The following N4BP2L2 variants were observed in gnomAD, a reference collection of about 807,000 sequenced individuals.
N4BP2L2 encodes NEDD4-binding protein 2-like 2.
N4BP2L2 carries 50 observed loss-of-function variants against 56.2 expected under a neutral mutation model. The ratio of observed to expected loss-of-function variants is 0.89; its 90% confidence interval spans 0.71 to 1.13. N4BP2L2 has a LOEUF of 1.13. Ranked by LOEUF, N4BP2L2 falls within the 50% of genes most tolerant of loss-of-function variation. The pLI is 0.00. For missense variants in N4BP2L2, 689 were observed against 693.8 expected (o/e 0.99, Z 0.08); for synonymous variants, 203 against 223.6 (o/e 0.91, Z 0.82).
At chr13:32,443,136 G>C in exon 7 of N4BP2L2, 1 of 1,613,680 alleles carries the variant, frequency 6.2e-7, no homozygotes, top group Non-Finnish European at 8.5e-7. Context: ...GAGGTAAGCA[G>C]CTTCTGAAGA....
intron 2 of N4BP2L2, among the ~76,000 whole-genome samples, chr13:32,530,437 CTG>C (rs1458594349): frequency 6.6e-6 from 1 of 152,072 alleles, no homozygotes; most frequent in East Asian, 1.9e-4. Flanking sequence ...AATTCTTAGA[CTG>C]TCAGAACTCT....
chr13:32,498,971 A>G (rs1424478725), intron 6 of N4BP2L2, among the ~76,000 whole-genome samples: 2 of 144,326 alleles, frequency 1.4e-5, no homozygotes, highest in Non-Finnish European at 3.0e-5. Flanking sequence ...ACTGGGTGAC[A>G]GAGCAAGACT....
intron 6 of N4BP2L2, among the ~76,000 whole-genome samples, chr13:32,458,848 T>A (rs1081799): frequency 0.27 from 41,015 of 152,106 alleles, 6,089 homozygotes; most frequent in South Asian, 0.4. Flanking sequence ...ATTCTTCTCA[T>A]CAGCACACGT....
chr13:32,446,980 G>A (rs370863964), intron 6 of N4BP2L2, among the ~76,000 whole-genome samples: 39 of 151,536 alleles, frequency 2.6e-4, no homozygotes, highest in African/African-American at 8.1e-4. Context: ...AGTTTGATTC[G>A]CTCTGAAGTC....
chr13:32,528,329 T>C (rs372655739), intron 2 of N4BP2L2, among the ~76,000 whole-genome samples: 6 of 152,168 alleles, frequency 3.9e-5, no homozygotes, highest in Admixed American at 1.3e-4. Flanking sequence ...AAGTCGGAAA[T>C]AGTTGGAGGC....
At chr13:32,463,786 A>G (rs2080682540) in intron 6 of N4BP2L2, among the ~76,000 whole-genome samples, 1 of 152,070 alleles carries the variant, frequency 6.6e-6, no homozygotes, top group East Asian at 1.9e-4. Flanking sequence ...GCTGAGAGAA[A>G]AATACTGTGA....
chr13:32,446,309 A>G (rs752802353), intron 6 of N4BP2L2: 4 of 1,260,158 alleles, frequency 3.2e-6, no homozygotes, highest in East Asian at 4.7e-5. Flanking sequence ...AAGGATATTG[A>G]GTAAAGAGTG....
intron 5 of N4BP2L2, among the ~76,000 whole-genome samples, chr13:32,519,103 A>T (rs1002453649): frequency 6.6e-6 from 1 of 152,154 alleles, no homozygotes; most frequent in African/African-American, 2.4e-5. Flanking sequence ...AAAGCAAAAA[A>T]GATAGAAGAA....
At chr13:32,443,862 T>G (rs1260672244) in exon 7 of N4BP2L2, 30 of 1,570,156 alleles carry the variant, frequency 1.9e-5, no homozygotes, top group Non-Finnish European at 2.5e-5. Flanking sequence ...TTTTCCATCT[T>G]TTTTCTTTAT....
At chr13:32,521,505 A>G in intron 4 of N4BP2L2, 56 bp from the exon 5 acceptor site, 4 of 1,212,080 alleles carry the variant, frequency 3.3e-6, no homozygotes, top group Non-Finnish European at 3.6e-6. Context: ...TTAAAGTAAA[A>G]AGAAGGCAGA....
At chr13:32,440,741 G>A (rs2138247007) in intron 7 of N4BP2L2, among the ~76,000 whole-genome samples, 2 of 152,186 alleles carry the variant, frequency 1.3e-5, no homozygotes, top group South Asian at 4.1e-4. Flanking sequence ...GGGATTACAG[G>A]CATGAGCCAC....
chr13:32,462,955 A>G (rs1359266518), intron 6 of N4BP2L2, among the ~76,000 whole-genome samples: 1 of 151,296 alleles, frequency 6.6e-6, no homozygotes, highest in Non-Finnish European at 1.5e-5. Context: ...AGGCAGGAGA[A>G]TTGCTTGAAC....
exon 6 of N4BP2L2, chr13:32,510,827 CAG>C (rs1435156603): frequency 2.0e-5 from 3 of 152,084 alleles, no homozygotes; most frequent in Non-Finnish European, 4.4e-5. Context: ...CTTTTAAAAA[CAG>C]AATTATAAAT....
chr13:32,446,316 A>G (rs1186698473), intron 6 of N4BP2L2: 2 of 1,291,298 alleles, frequency 1.5e-6, no homozygotes, highest in Non-Finnish European at 2.1e-6. Context: ...TTGAGTAAAG[A>G]GTGCTATCTG....
At chr13:32,443,359 T>G (rs757944563) in exon 7 of N4BP2L2, 2 of 1,614,052 alleles carry the variant, frequency 1.2e-6, no homozygotes, top group South Asian at 2.2e-5. Flanking sequence ...TATAAACTTA[T>G]GAGGTCCTGC....
chr13:32,527,417 G>C (rs1437628324), exon 3 of N4BP2L2: 1 of 1,613,752 alleles, frequency 6.2e-7, no homozygotes, highest in East Asian at 2.2e-5. Flanking sequence ...CCTCTGTTCT[G>C]GTTCCAGTCA....
At chr13:32,475,952 A>G (rs1469969683) in intron 6 of N4BP2L2, among the ~76,000 whole-genome samples, 3 of 152,198 alleles carry the variant, frequency 2.0e-5, no homozygotes, top group Non-Finnish European at 4.4e-5. Flanking sequence ...AAGGCATGAT[A>G]TATCTTGTTA....
intron 6 of N4BP2L2, among the ~76,000 whole-genome samples, chr13:32,453,486 G>GT (rs2078456619): frequency 6.6e-6 from 1 of 152,050 alleles, no homozygotes; most frequent in Admixed American, 6.5e-5. Context: ...AGTTTTTTAA[G>GT]TTTTTTTGAG....
intron 6 of N4BP2L2, among the ~76,000 whole-genome samples, chr13:32,485,077 C>A (rs955566174): frequency 1.3e-5 from 2 of 152,160 alleles, no homozygotes; most frequent in Non-Finnish European, 1.5e-5. Context: ...ACAGGCTAAC[C>A]TCAAAAAATT....
Sources: allele counts gnomAD v4.1 joint callset (sites outside exome capture counted in the v4.1 genomes callset), GRCh38; gene constraint gnomAD v4.1.1; transcripts MANE v1.5; gene names NCBI Gene and HGNC (gene_info 2026-07-23, HGNC 2026-07-21).